The following INPP4B variants were observed in gnomAD, a reference collection of about 807,000 sequenced individuals.
INPP4B encodes the protein inositol polyphosphate 4-phosphatase type II.
In INPP4B, 55 loss-of-function variants were observed where a neutral mutation model predicts 122.5. That is an observed-to-expected ratio of 0.45 (90% confidence interval 0.36 to 0.56). The LOEUF (loss-of-function observed/expected upper bound fraction) is 0.56. Ranked by LOEUF, INPP4B falls within the 20% of genes least tolerant of loss-of-function variation. The probability of loss-of-function intolerance (pLI) is 0.00; values close to 1 mark genes in which losing one functional copy is unlikely to be tolerated. For synonymous variants in INPP4B, 403 were observed against 388.7 expected (o/e 1.04, Z -0.43); for missense variants, 1,000 against 1,097.7 (o/e 0.91, Z 1.26).
At chr4:142,118,173 G>A (rs1475956403) in intron 21 of INPP4B, among the ~76,000 whole-genome samples, 2 of 152,110 alleles carry the variant, frequency 1.3e-5, no homozygotes, top group Admixed American at 6.6e-5. Flanking sequence ...AACATTCCAC[G>A]CTCATGCATA....
At chr4:142,716,445 T>C (rs1224858718) in intron 2 of INPP4B, among the ~76,000 whole-genome samples, 10 of 152,156 alleles carry the variant, frequency 6.6e-5, no homozygotes, top group Non-Finnish European at 1.5e-4. Context: ...TATCTCTCAA[T>C]TTTTTTCTTT....
At chr4:142,510,047 TATG>T (rs1824515632) in intron 2 of INPP4B, among the ~76,000 whole-genome samples, 1 of 152,234 alleles carries the variant, frequency 6.6e-6, no homozygotes, top group Non-Finnish European at 1.5e-5. Context: ...CCATTATTTT[TATG>T]ATAACTTTAG....
chr4:142,570,890 C>T (rs989095465), intron 2 of INPP4B, among the ~76,000 whole-genome samples: 2 of 151,748 alleles, frequency 1.3e-5, no homozygotes, highest in Non-Finnish European at 2.9e-5. Flanking sequence ...TAATATTTTA[C>T]CCTATAAAAA....
Position 142,252,194 on chromosome 4 carries a change from T to C in INPP4B, c.688+8298A>G, listed in dbSNP as rs987716942. The stretch of plus-strand genomic sequence containing the variant: ...CTGTCACTATAGTAGTCATTTTTTT[T>C]TTTTTTTTTTTTGAGACGGAGTCTC... On this transcript the variant is annotated intron_variant, in intron 11 of 25. Coordinates refer to ENST00000262992, the MANE Select transcript of INPP4B (RefSeq NM_001101669.3). 2.2e-3 allele frequency among the ~76,000 whole-genome samples: 326 copies of C among 149,992 alleles called. 4 individuals carry two copies. In the East Asian group the frequency reaches 0.034, roughly 16 times the overall value.
intron 1 of INPP4B, among the ~76,000 whole-genome samples, chr4:142,761,452 T>C (rs1182628989): frequency 6.6e-6 from 1 of 152,166 alleles, no homozygotes; most frequent in Non-Finnish European, 1.5e-5. Context: ...CATCAGTATG[T>C]GGCCAAGATT....
chr4:142,745,540 C>T (rs563714597), intron 1 of INPP4B, among the ~76,000 whole-genome samples: 288 of 151,950 alleles, frequency 1.9e-3, no homozygotes, highest in African/African-American at 6.5e-3. Flanking sequence ...TTTGCAAAAC[C>T]TAACATATTT....
intron 11 of INPP4B, among the ~76,000 whole-genome samples, chr4:142,254,038 T>C (rs531218482): frequency 2.7e-4 from 40 of 149,390 alleles, no homozygotes; most frequent in Middle Eastern, 3.5e-3. Flanking sequence ...CTCTAGTGGG[T>C]CCCTGACCCC....
At chr4:142,446,495 A>T (rs1812940442) in intron 3 of INPP4B, among the ~76,000 whole-genome samples, 1 of 152,180 alleles carries the variant, frequency 6.6e-6, no homozygotes, top group Admixed American at 6.5e-5. Context: ...CAGTAAAGTT[A>T]AAAAGTAATT....
At chr4:142,389,599 A>G (rs1358717908) in intron 7 of INPP4B, among the ~76,000 whole-genome samples, 2 of 152,168 alleles carry the variant, frequency 1.3e-5, no homozygotes, top group African/African-American at 4.8e-5. Flanking sequence ...AGATTATTCA[A>G]TTTACTTACT....
At chr4:142,456,152 A>C (rs951204728) in intron 3 of INPP4B, among the ~76,000 whole-genome samples, 10 of 151,000 alleles carry the variant, frequency 6.6e-5, no homozygotes, top group Admixed American at 6.7e-5. Flanking sequence ...AAACTTTTTA[A>C]CTTGATGTGA....
rs957680721 is a variant in INPP4B, at chr4:142,023,651, C to T, written c.*5131G>A. The stretch of plus-strand genomic sequence containing the variant: ...GAGTGCAATAGGTCATCATTGATCG[C>T]GTCCTTTCATGACCTGGCGGTAATT... On this transcript the variant is annotated 3_prime_UTR_variant, in exon 26 of 26. Transcript: ENST00000262992. The T allele has an allele frequency of 3.9e-5, 6 of 152,072 alleles. No individual in the cohort carries two copies. Among genetic ancestry groups the T allele is most frequent in the Admixed American group, 1.3e-4 (2 of 15,266 alleles). The allele number at this position is 152,072 out of a possible 1,614,324, so 9.4% of individuals were successfully genotyped here.
At chr4:142,131,398 G>A (rs1344765294) in intron 18 of INPP4B, among the ~76,000 whole-genome samples, 2 of 151,962 alleles carry the variant, frequency 1.3e-5, no homozygotes, top group Non-Finnish European at 2.9e-5. Flanking sequence ...GGTGAATGTA[G>A]GTGAAGTAAA....
At chr4:142,143,098 A>G (rs185845841) in intron 18 of INPP4B, among the ~76,000 whole-genome samples, 231 of 152,184 alleles carry the variant, frequency 1.5e-3, no homozygotes, top group Non-Finnish European at 2.7e-3. Context: ...ATCTTCAAAA[A>G]CAAACAAGCA....
At chr4:142,651,578 G>A (rs1459726106) in intron 2 of INPP4B, among the ~76,000 whole-genome samples, 3 of 152,188 alleles carry the variant, frequency 2.0e-5, no homozygotes, top group African/African-American at 7.2e-5. Flanking sequence ...TACCATCAGA[G>A]AATACTGTAA....
chr4:142,782,890 C>T (rs953744980), intron 1 of INPP4B, among the ~76,000 whole-genome samples: 1 of 151,944 alleles, frequency 6.6e-6, no homozygotes, highest in Non-Finnish European at 1.5e-5. Flanking sequence ...CTTTGACAAA[C>T]CTGAGAAAAA....
At position 142,160,579 on chromosome 4, in the gene INPP4B, A is replaced by G. The variant is rs1315690883; in HGVS notation, c.1360-18T>C. ...AGCTCTGTCTGGAAAGAAATTGACAAGGATTAGAAACACCTTGGTAGGCAT... is the reference window on the plus strand; with the variant it reads ...AGCTCTGTCTGGAAAGAAATTGACAGGGATTAGAAACACCTTGGTAGGCAT... On this transcript the variant is annotated intron_variant, in intron 16 of 25. Coordinates refer to ENST00000262992, the MANE Select transcript of INPP4B (RefSeq NM_001101669.3). 1 of 1,576,154 alleles carries G rather than the reference A, an allele frequency of 6.3e-7. No individual in the cohort carries two copies. Among genetic ancestry groups the G allele is most frequent in the Admixed American group, 1.7e-5 (1 of 58,470 alleles).
intron 25 of INPP4B, among the ~76,000 whole-genome samples, chr4:142,058,496 G>A (rs1406996972): frequency 1.3e-5 from 2 of 151,970 alleles, no homozygotes; most frequent in African/African-American, 4.8e-5. Context: ...GTCCTCTGTT[G>A]TCTATTCCAA....
intron 17 of INPP4B, among the ~76,000 whole-genome samples, chr4:142,150,385 T>A (rs1813203349): frequency 6.6e-6 from 1 of 152,158 alleles, no homozygotes; most frequent in African/African-American, 2.4e-5. Context: ...GAGAAATGGA[T>A]TGCTGGGACT....
intron 2 of INPP4B, among the ~76,000 whole-genome samples, chr4:142,626,744 T>C (rs1746509826): frequency 6.6e-6 from 1 of 152,024 alleles, no homozygotes; most frequent in Non-Finnish European, 1.5e-5. Context: ...AACCAACATA[T>C]TCACTCTGTC....
Sources: allele counts gnomAD v4.1 joint callset (sites outside exome capture counted in the v4.1 genomes callset), GRCh38; gene constraint gnomAD v4.1.1; transcripts MANE v1.5; gene names NCBI Gene and HGNC (gene_info 2026-07-23, HGNC 2026-07-21).